XRCC4: variants seen among roughly 807,000 people sequenced by gnomAD.
XRCC4 encodes X-ray repair cross complementing 4.
A neutral mutation model predicts 39.1 loss-of-function variants in XRCC4; 28 were observed. That is an observed-to-expected ratio of 0.72 (90% confidence interval 0.53 to 0.98). XRCC4 has a LOEUF of 0.98. Ranked by LOEUF, XRCC4 falls within the 50% of genes least tolerant of loss-of-function variation. The pLI is 0.00. For missense variants in XRCC4, 350 were observed against 376.4 expected (o/e 0.93, Z 0.58); for synonymous variants, 123 against 126.4 (o/e 0.97, Z 0.18).
At chr5:83,324,339 T>C (rs185153580) in intron 7 of XRCC4, among the ~76,000 whole-genome samples, 33 of 152,286 alleles carry the variant, frequency 2.2e-4, no homozygotes, top group Admixed American at 1.2e-3. Context: ...TAGATCCATC[T>C]ACCTTTCAGG....
At chr5:83,132,063 T>C (rs539960809) in intron 3 of XRCC4, among the ~76,000 whole-genome samples, 9 of 152,294 alleles carry the variant, frequency 5.9e-5, no homozygotes, top group South Asian at 2.1e-4. Context: ...GGAGCTCTTA[T>C]AAGGCATGTC....
At chr5:83,248,078 A>C (rs534544768) in intron 6 of XRCC4, among the ~76,000 whole-genome samples, 1 of 151,972 alleles carries the variant, frequency 6.6e-6, no homozygotes, top group Admixed American at 6.6e-5. Context: ...GAGAGTTACT[A>C]CTCTCACCAA....
At chr5:83,359,902 A>G in the XRCC4 span, among the ~76,000 whole-genome samples, 2 of 152,188 alleles carry the variant, frequency 1.3e-5, no homozygotes, top group African/African-American at 4.8e-5. Flanking sequence ...GTTTATTAAA[A>G]TGCCATTACA....
intron 7 of XRCC4, among the ~76,000 whole-genome samples, chr5:83,330,193 T>C (rs1234415541): frequency 6.6e-6 from 1 of 152,070 alleles, no homozygotes; most frequent in Non-Finnish European, 1.5e-5. Flanking sequence ...TGAAGAGGAA[T>C]TGATCCACAG....
chr5:83,105,184 T>TTTC, intron 2 of XRCC4, 126 bp downstream of exon 2: 1 of 890,052 alleles, frequency 1.1e-6, no homozygotes, highest in Non-Finnish European at 1.6e-6. Context: ...GCTGTCAAAT[T>TTTC]TATACACAGG....
At chr5:83,084,180 A>G (rs1745082325) in intron 1 of XRCC4, among the ~76,000 whole-genome samples, 1 of 152,210 alleles carries the variant, frequency 6.6e-6, no homozygotes, top group East Asian at 1.9e-4. Context: ...TGTAAAATCA[A>G]TGGCTTATTT....
At chr5:83,262,424 TG>T (rs967328670) in intron 7 of XRCC4, among the ~76,000 whole-genome samples, 5 of 152,084 alleles carry the variant, frequency 3.3e-5, no homozygotes, top group Non-Finnish European at 5.9e-5. Flanking sequence ...GGAATGGATT[TG>T]GGGCATTTTA....
intron 6 of XRCC4, among the ~76,000 whole-genome samples, chr5:83,213,174 A>T (rs978171028): frequency 1.3e-5 from 2 of 152,002 alleles, no homozygotes; most frequent in African/African-American, 4.8e-5. Context: ...CAAAATAAAG[A>T]CGAAATAAAG....
chr5:83,240,888 T>C (rs747706506), intron 6 of XRCC4, among the ~76,000 whole-genome samples: 3 of 152,226 alleles, frequency 2.0e-5, no homozygotes, highest in African/African-American at 2.4e-5. Flanking sequence ...TTATATTTAA[T>C]TGACATCTTG....
chr5:83,320,587 A>G (rs1315995854), intron 7 of XRCC4, among the ~76,000 whole-genome samples: 1 of 151,672 alleles, frequency 6.6e-6, no homozygotes, highest in Non-Finnish European at 1.5e-5. Flanking sequence ...ATAGAGAAAT[A>G]TTTTGTGAAG....
chr5:83,081,198 A>G (rs1188515189), intron 1 of XRCC4, among the ~76,000 whole-genome samples: 1 of 152,150 alleles, frequency 6.6e-6, no homozygotes, highest in Non-Finnish European at 1.5e-5. Context: ...TCACCAGACC[A>G]CTTTCTCCCC....
chr5:83,095,116 G>T (rs991130608), intron 1 of XRCC4, among the ~76,000 whole-genome samples: 3 of 152,092 alleles, frequency 2.0e-5, no homozygotes, highest in Non-Finnish European at 4.4e-5. Flanking sequence ...TTCTGGAGGG[G>T]CCAGCTAGTA....
At position 83,149,060 on chromosome 5, in the gene XRCC4, CAT is replaced by C. The variant is rs1220173178; in HGVS notation, c.315+37859_315+37860del. Among the ~76,000 whole-genome samples the C allele has an allele frequency of 2.0e-5, 3 of 152,136 alleles. No individual in the cohort carries two copies. The East Asian group carries it at 5.8e-4, about 29-fold the overall frequency. On this transcript the variant is annotated intron_variant, in intron 3 of 7. Transcript: ENST00000396027. Reference sequence around the variant, plus strand: ...TTGTTATTGAATCAGAATACTGAAACATAGTGCATTTTGCTTTAATTATCAAA... The same window carrying C: ...TTGTTATTGAATCAGAATACTGAAACAGTGCATTTTGCTTTAATTATCAAA...
chr5:83,117,610 A>G (rs1295914942), intron 3 of XRCC4, among the ~76,000 whole-genome samples: 1 of 151,032 alleles, frequency 6.6e-6, no homozygotes, highest in African/African-American at 2.4e-5. Flanking sequence ...CTTAGCTAAC[A>G]TATTGTAGAG....
At chr5:83,284,354 G>A (rs972754260) in intron 7 of XRCC4, among the ~76,000 whole-genome samples, 2 of 151,916 alleles carry the variant, frequency 1.3e-5, no homozygotes, top group African/African-American at 4.8e-5. Context: ...GAATCCTAAT[G>A]TTTTAATTTG....
intron 7 of XRCC4, among the ~76,000 whole-genome samples, chr5:83,291,742 C>T (rs1754925886): frequency 6.6e-6 from 1 of 151,616 alleles, no homozygotes. Context: ...AGGTGCTTTC[C>T]TCTGTAACAG....
At chr5:83,092,650 G>A in intron 1 of XRCC4, among the ~76,000 whole-genome samples, 1 of 152,122 alleles carries the variant, frequency 6.6e-6, no homozygotes, top group Admixed American at 6.6e-5. Context: ...ACATAAGATG[G>A]CTGGGTAAAG....
At chr5:83,156,029 A>C (rs1189405691) in intron 3 of XRCC4, among the ~76,000 whole-genome samples, 1 of 152,004 alleles carries the variant, frequency 6.6e-6, no homozygotes, top group Non-Finnish European at 1.5e-5. Context: ...TCCCCTTTTT[A>C]ATTTAAATCT....
At chr5:83,114,537 C>A (rs970936778) in intron 3 of XRCC4, among the ~76,000 whole-genome samples, 10 of 152,338 alleles carry the variant, frequency 6.6e-5, no homozygotes, top group South Asian at 4.1e-4. Flanking sequence ...TAGTTCCCAA[C>A]AAGTTCCTCA....
Sources: allele counts gnomAD v4.1 joint callset (sites outside exome capture counted in the v4.1 genomes callset), GRCh38; gene constraint gnomAD v4.1.1; transcripts MANE v1.5; gene names NCBI Gene and HGNC (gene_info 2026-07-23, HGNC 2026-07-21).